The following INPP4B variants were observed in gnomAD, a reference collection of about 807,000 sequenced individuals.
The protein encoded by INPP4B is inositol polyphosphate 4-phosphatase type II.
Under a neutral mutation model 122.5 loss-of-function variants are expected in INPP4B, and 55 were observed. That is an observed-to-expected ratio of 0.45 (90% CI 0.36 to 0.56). The LOEUF is 0.56. Ranked by LOEUF, INPP4B falls within the 20% of genes least tolerant of loss-of-function variation. INPP4B has a pLI of 0.00. For missense variants in INPP4B, 1,000 were observed against 1,097.7 expected (o/e 0.91, Z 1.26); for synonymous variants, 403 against 388.7 (o/e 1.04, Z -0.43).
intron 7 of INPP4B, among the ~76,000 whole-genome samples, chr4:142,398,429 TATATATATATATATATAA>T (rs1562011318): frequency 9.2e-5 from 6 of 65,272 alleles, no homozygotes; most frequent in Non-Finnish European, 1.7e-4. Context: ...TATATATATA[TATATATATATATATATAA>T]AACATATTAA....
intron 2 of INPP4B, among the ~76,000 whole-genome samples, chr4:142,607,094 T>C (rs935933873): frequency 1.3e-5 from 2 of 151,906 alleles, no homozygotes; most frequent in East Asian, 1.9e-4. Flanking sequence ...AATGAAAATA[T>C]AATACTATAT....
intron 2 of INPP4B, among the ~76,000 whole-genome samples, chr4:142,547,130 CTT>C (rs11442528): frequency 3.0e-4 from 42 of 141,722 alleles, no homozygotes; most frequent in Admixed American, 3.5e-4. Context: ...GATCCCAGTG[CTT>C]TTTTTTTTTT....
intron 1 of INPP4B, among the ~76,000 whole-genome samples, chr4:142,842,687 AATATAAT>A (rs564740535): frequency 0.015 from 1,957 of 132,466 alleles, 46 homozygotes; most frequent in African/African-American, 0.052. Context: ...TTAATATATT[AATATAAT>A]ATATAATATA....
chr4:142,141,065 G>C (rs72718466), intron 18 of INPP4B, among the ~76,000 whole-genome samples: 1,936 of 152,230 alleles, frequency 0.013, 19 homozygotes, highest in Middle Eastern at 0.085. Flanking sequence ...TTGAAAAGGT[G>C]ACAATTCAAA....
At chr4:142,712,963 G>A (rs1277717420) in intron 2 of INPP4B, among the ~76,000 whole-genome samples, 1 of 152,182 alleles carries the variant, frequency 6.6e-6, no homozygotes, top group Non-Finnish European at 1.5e-5. Context: ...GCTGTGTTTT[G>A]ACTCTGAGGC....
intron 3 of INPP4B, among the ~76,000 whole-genome samples, chr4:142,449,946 A>G (rs1361279932): frequency 6.6e-6 from 1 of 152,070 alleles, no homozygotes; most frequent in Non-Finnish European, 1.5e-5. Context: ...CTCTCCAGCA[A>G]TTGGTTCATG....
intron 1 of INPP4B, among the ~76,000 whole-genome samples, chr4:142,742,959 G>T (rs1226282609): frequency 6.6e-6 from 1 of 151,922 alleles, no homozygotes; most frequent in Non-Finnish European, 1.5e-5. Context: ...TAAAAGTAAT[G>T]ACTCTAAGGT....
intron 2 of INPP4B, among the ~76,000 whole-genome samples, chr4:142,529,991 C>G (rs1442000788): frequency 6.6e-6 from 1 of 152,026 alleles, no homozygotes; most frequent in African/African-American, 2.4e-5. Context: ...TCATAGTCTT[C>G]TGAAAGCTAC....
chr4:142,374,629 A>T (rs1163106112), intron 7 of INPP4B, among the ~76,000 whole-genome samples: 1 of 151,830 alleles, frequency 6.6e-6, no homozygotes, highest in Admixed American at 6.6e-5. Flanking sequence ...TCATCTTTTT[A>T]TTGATATTGT....
intron 18 of INPP4B, among the ~76,000 whole-genome samples, chr4:142,127,163 T>C (rs1798996498): frequency 6.6e-6 from 1 of 152,194 alleles, no homozygotes; most frequent in Admixed American, 6.5e-5. Context: ...TACGCAGTTG[T>C]ATAGTTCCCA....
intron 11 of INPP4B, among the ~76,000 whole-genome samples, chr4:142,240,071 CTTTT>C (rs397878976): frequency 3.0e-5 from 4 of 132,510 alleles, no homozygotes; most frequent in Non-Finnish European, 4.9e-5. Flanking sequence ...TTATTGTTTT[CTTTT>C]TTTTTTTTTT....
intron 2 of INPP4B, among the ~76,000 whole-genome samples, chr4:142,717,786 T>A (rs1457711800): frequency 6.6e-6 from 1 of 151,554 alleles, no homozygotes; most frequent in Admixed American, 6.6e-5. Context: ...AAATACCTAA[T>A]GTAAATAACG....
At chr4:142,322,124 T>C (rs1240911165) in intron 7 of INPP4B, among the ~76,000 whole-genome samples, 4 of 152,142 alleles carry the variant, frequency 2.6e-5, no homozygotes, top group African/African-American at 9.7e-5. Flanking sequence ...CTAATAATAA[T>C]TGCTAAGAAT....
intron 2 of INPP4B, among the ~76,000 whole-genome samples, chr4:142,707,692 G>A (rs1762625573): frequency 6.6e-6 from 1 of 152,342 alleles, no homozygotes; most frequent in East Asian, 1.9e-4. Flanking sequence ...GTGGAACCAT[G>A]AGACAAGTAA....
chr4:142,157,234 A>G (rs1817706057), intron 17 of INPP4B, among the ~76,000 whole-genome samples: 1 of 152,192 alleles, frequency 6.6e-6, no homozygotes, highest in Non-Finnish European at 1.5e-5. Flanking sequence ...TCAAAGTTAG[A>G]TAAAGCTTTG....
intron 16 of INPP4B, among the ~76,000 whole-genome samples, chr4:142,171,813 C>T (rs1825763699): frequency 6.6e-6 from 1 of 151,788 alleles, no homozygotes; most frequent in Non-Finnish European, 1.5e-5. Context: ...ATTCAAGGAG[C>T]AGAAAATGCC....
intron 8 of INPP4B, among the ~76,000 whole-genome samples, chr4:142,311,946 G>A (rs559582173): frequency 6.6e-6 from 1 of 152,272 alleles, no homozygotes; most frequent in South Asian, 2.1e-4. Flanking sequence ...AGTCACTTTT[G>A]AGTAGCTGAA....
At chr4:142,132,792 C>G (rs1801970570) in intron 18 of INPP4B, among the ~76,000 whole-genome samples, 1 of 152,184 alleles carries the variant, frequency 6.6e-6, no homozygotes, top group African/African-American at 2.4e-5. Context: ...CATCTTGAAA[C>G]AAATATCACT....
chr4:142,200,306 C>T (rs1443916341), intron 14 of INPP4B, among the ~76,000 whole-genome samples: 1 of 151,900 alleles, frequency 6.6e-6, no homozygotes, highest in Admixed American at 6.6e-5. Context: ...CTTTCTAGAG[C>T]CACAAGATGC....
Sources: gnomAD v4.1 joint callset for allele counts (sites outside exome capture counted in the v4.1 genomes callset) on GRCh38, gnomAD v4.1.1 for gene constraint, MANE v1.5 for transcripts, NCBI Gene and HGNC (gene_info 2026-07-23, HGNC 2026-07-21) for gene names.